KPNA7: variants seen among roughly 807,000 people sequenced by gnomAD.
KPNA7 encodes the protein importin subunit alpha-8.
Under a neutral mutation model 53.7 loss-of-function variants are expected in KPNA7, and 54 were observed. The observed-to-expected ratio is 1.01, with a 90% CI of 0.81 to 1.26. The LOEUF (loss-of-function observed/expected upper bound fraction) is 1.26. Among genes scored for constraint, KPNA7 ranks in the 50% most tolerant of loss-of-function variants. The probability of loss-of-function intolerance (pLI) is 0.00; values close to 1 mark genes in which losing one functional copy is unlikely to be tolerated. For missense variants in KPNA7, 640 were observed against 644.5 expected (o/e 0.99, Z 0.07); for synonymous variants, 276 against 259.3 (o/e 1.06, Z -0.62).
At chr7:99,200,212 A>G (rs1231064343) in intron 3 of KPNA7, among the ~76,000 whole-genome samples, 3 of 151,250 alleles carry the variant, frequency 2.0e-5, no homozygotes, top group Non-Finnish European at 4.4e-5. Flanking sequence ...TAATTTTCGT[A>G]TTTTTCGTAG....
intron 10 of KPNA7, among the ~76,000 whole-genome samples, chr7:99,176,024 G>C (rs1219550216): frequency 2.6e-5 from 4 of 152,106 alleles, no homozygotes; most frequent in Non-Finnish European, 5.9e-5. Context: ...TCTGCTGGGC[G>C]TGGTGGCTCA....
chr7:99,151,815 A>G, the KPNA7 span, among the ~76,000 whole-genome samples: 4 of 152,094 alleles, frequency 2.6e-5, no homozygotes, highest in African/African-American at 9.7e-5. Flanking sequence ...GGAATTTTAA[A>G]AGATCAACAA....
chr7:99,157,721 A>G, the KPNA7 span, among the ~76,000 whole-genome samples: 1 of 152,194 alleles, frequency 6.6e-6, no homozygotes, highest in African/African-American at 2.4e-5. Flanking sequence ...GTCAGGTAAG[A>G]ACGCAAGCCA....
chr7:99,208,175 C>T (rs1023141931), upstream of KPNA7, among the ~76,000 whole-genome samples: 1 of 152,102 alleles, frequency 6.6e-6, no homozygotes, highest in Admixed American at 6.6e-5. Context: ...CTCCTGGACT[C>T]AAGTGATTCA....
chr7:99,193,433 C>G (rs1181290865), intron 5 of KPNA7, among the ~76,000 whole-genome samples: 1 of 152,216 alleles, frequency 6.6e-6, no homozygotes, highest in East Asian at 1.9e-4. Flanking sequence ...GACCTTGGCA[C>G]AGGGCAGTAA....
intron 2 of KPNA7, among the ~76,000 whole-genome samples, chr7:99,205,425 A>T (rs1487054501): frequency 6.9e-6 from 1 of 143,996 alleles, no homozygotes; most frequent in Non-Finnish European, 1.5e-5. Context: ...AAAAAAAAAA[A>T]AAAAAAAAAA....
the KPNA7 span, among the ~76,000 whole-genome samples, chr7:99,152,492 G>A: frequency 6.6e-6 from 1 of 152,158 alleles, no homozygotes; most frequent in Non-Finnish European, 1.5e-5. Flanking sequence ...AAAGGGAAGT[G>A]TTTGGCGGGT....
upstream of KPNA7, among the ~76,000 whole-genome samples, chr7:99,208,119 C>T (rs886218258): frequency 3.3e-5 from 5 of 152,068 alleles, no homozygotes; most frequent in East Asian, 1.9e-4. Context: ...CTCTGTCACC[C>T]GGGCTGGAGT....
intron 10 of KPNA7, among the ~76,000 whole-genome samples, chr7:99,175,606 T>A (rs1034931247): frequency 6.6e-6 from 1 of 151,872 alleles, no homozygotes; most frequent in Non-Finnish European, 1.5e-5. Context: ...ACCTCTGCTC[T>A]GGGGTTCAAG....
chr7:99,208,472 G>A (rs1201048212), upstream of KPNA7, among the ~76,000 whole-genome samples: 4 of 152,078 alleles, frequency 2.6e-5, no homozygotes, highest in Non-Finnish European at 5.9e-5. Flanking sequence ...TAGCCAGGAT[G>A]GTCTCTATCT....
intron 7 of KPNA7, among the ~76,000 whole-genome samples, chr7:99,187,611 T>C (rs1243386118): frequency 1.4e-5 from 2 of 144,674 alleles, no homozygotes; most frequent in African/African-American, 2.5e-5. Flanking sequence ...TGGAGAGCAG[T>C]GGCACGATCT....
the KPNA7 span, among the ~76,000 whole-genome samples, chr7:99,155,673 A>T: frequency 2.0e-5 from 3 of 150,850 alleles, no homozygotes; most frequent in African/African-American, 7.3e-5. Flanking sequence ...TGATCCTCCC[A>T]CCTCAGCCTC....
At position 99,203,094 on chromosome 7, in the gene KPNA7, C is replaced by T. The variant is rs955920258; in HGVS notation, c.201+12G>A. 2.3e-5 allele frequency: 36 copies of T among 1,551,548 alleles called. No homozygotes were observed. The highest frequency in any genetic ancestry group is 3.1e-5 in the Non-Finnish European group (36 of 1,146,988). On this transcript the variant is annotated intron_variant, in intron 3 of 10. Transcript: ENST00000327442. ...ATTTTGCCCAAGACTACTCTAAACA[C>T]TACATACTGACCGCCACCCCTTTGG...
At chr7:99,171,940 G>A (rs1368824281), downstream of KPNA7, among the ~76,000 whole-genome samples, 3 of 152,198 alleles carry the variant, frequency 2.0e-5, no homozygotes, top group African/African-American at 7.2e-5. Flanking sequence ...AGTGGGTGTG[G>A]ATGACAAGCA....
chr7:99,190,856 T>G (rs758860783), intron 6 of KPNA7, among the ~76,000 whole-genome samples: 3 of 151,978 alleles, frequency 2.0e-5, no homozygotes, highest in Non-Finnish European at 4.4e-5. Context: ...AGGTCATGTT[T>G]GTGACCCCTG....
chr7:99,172,748 G>A (rs1798791754), downstream of KPNA7, among the ~76,000 whole-genome samples: 1 of 151,970 alleles, frequency 6.6e-6, no homozygotes, highest in African/African-American at 2.4e-5. Flanking sequence ...AAGAACCAAT[G>A]ATATTGTATC....
the KPNA7 span, among the ~76,000 whole-genome samples, chr7:99,164,217 A>G: frequency 6.6e-6 from 1 of 151,640 alleles, no homozygotes; most frequent in Non-Finnish European, 1.5e-5. Flanking sequence ...TATTCACAAT[A>G]GCAAAGACTT....
the KPNA7 span, among the ~76,000 whole-genome samples, chr7:99,153,814 T>C: frequency 6.6e-6 from 1 of 151,314 alleles, no homozygotes; most frequent in East Asian, 2.0e-4. Context: ...ACAAAAAAAA[T>C]AAAAATAAAA....
chr7:99,180,721 G>C (rs370001390), intron 9 of KPNA7, among the ~76,000 whole-genome samples: 1 of 55,772 alleles, frequency 1.8e-5, no homozygotes, highest in Admixed American at 2.0e-4. Context: ...CTCTCTCTCC[G>C]TCTGTGTCTC....
Sources: allele counts gnomAD v4.1 joint callset (sites outside exome capture counted in the v4.1 genomes callset), GRCh38; gene constraint gnomAD v4.1.1; transcripts MANE v1.5; gene names NCBI Gene and HGNC (gene_info 2026-07-23, HGNC 2026-07-21).